The following DOCK3 variants were observed in gnomAD, a reference collection of about 807,000 sequenced individuals.
The protein encoded by DOCK3 is dedicator of cytokinesis 3.
DOCK3 carries 60 observed loss-of-function variants against 265.6 expected under a neutral mutation model. That is an observed-to-expected ratio of 0.23 (90% CI 0.18 to 0.28). DOCK3 has a LOEUF of 0.28. Ranked by LOEUF, DOCK3 falls within the 10% of genes least tolerant of loss-of-function variation. DOCK3 has a pLI of 1.00. For synonymous variants in DOCK3, 881 were observed against 938.0 expected, an observed-to-expected ratio of 0.94 and a Z score of 1.11; for missense variants, 1,981 against 2,594.3, an observed-to-expected ratio of 0.76 and a Z score of 5.14.
chr3:51,220,850 G>A (rs893455165), intron 14 of DOCK3, among the ~76,000 whole-genome samples: 3 of 151,452 alleles, frequency 2.0e-5, no homozygotes, highest in Admixed American at 6.6e-5. Context: ...TTGGGCCTTC[G>A]CACATTATTT....
intron 1 of DOCK3, among the ~76,000 whole-genome samples, chr3:50,740,992 C>T (rs2038980593): frequency 6.6e-6 from 1 of 151,962 alleles, no homozygotes; most frequent in African/African-American, 2.4e-5. Context: ...ACTCTTTGTT[C>T]TCCCCTCCCC....
chr3:51,011,265 C>T (rs181200636), intron 5 of DOCK3, among the ~76,000 whole-genome samples: 12 of 152,238 alleles, frequency 7.9e-5, no homozygotes, highest in African/African-American at 2.4e-4. Context: ...ACCAATCAGA[C>T]GTGTACCTGA....
chr3:51,301,846 T>C (rs2082376844), intron 27 of DOCK3, among the ~76,000 whole-genome samples: 1 of 152,202 alleles, frequency 6.6e-6, no homozygotes, highest in Admixed American at 6.5e-5. Flanking sequence ...GTGTTTTACT[T>C]CCAATTATGT....
chr3:51,301,186 G>A (rs542406335), intron 27 of DOCK3, among the ~76,000 whole-genome samples: 1 of 152,242 alleles, frequency 6.6e-6, no homozygotes, highest in South Asian at 2.1e-4. Flanking sequence ...TAATTTACAT[G>A]CCTAAAGGTG....
At chr3:50,900,909 C>T (rs945248083) in intron 4 of DOCK3, 7 of 431,686 alleles carry the variant, frequency 1.6e-5, no homozygotes, top group Admixed American at 2.6e-5. Flanking sequence ...AGGTGTCTGT[C>T]GCTCCCTGTT....
chr3:50,866,913 T>C (rs958566566), intron 3 of DOCK3, among the ~76,000 whole-genome samples: 4 of 152,104 alleles, frequency 2.6e-5, no homozygotes, highest in Non-Finnish European at 5.9e-5. Context: ...AAACAGCTAT[T>C]CTGTTTCTTT....
intron 40 of DOCK3, among the ~76,000 whole-genome samples, chr3:51,352,123 C>G (rs192812534): frequency 6.6e-6 from 1 of 152,316 alleles, no homozygotes; most frequent in African/African-American, 2.4e-5. Context: ...AGCAATTGTA[C>G]AAGAACTAGA....
intron 7 of DOCK3, among the ~76,000 whole-genome samples, chr3:51,080,045 T>A (rs2082175062): frequency 6.6e-6 from 1 of 152,268 alleles, no homozygotes; most frequent in African/African-American, 2.4e-5. Flanking sequence ...TTAGATTATT[T>A]ACTAAAAATC....
intron 4 of DOCK3, among the ~76,000 whole-genome samples, chr3:50,922,998 T>C (rs985826063): frequency 1.3e-5 from 2 of 152,206 alleles, no homozygotes; most frequent in African/African-American, 4.8e-5. Flanking sequence ...GTCCCACTTA[T>C]GAATGAGAAC....
At chr3:51,230,512 G>T (rs2090500085) in intron 19 of DOCK3, among the ~76,000 whole-genome samples, 1 of 151,656 alleles carries the variant, frequency 6.6e-6, no homozygotes. Context: ...TTTTGTTGTT[G>T]TTGTTGTTTT....
intron 1 of DOCK3, among the ~76,000 whole-genome samples, chr3:50,679,922 C>G (rs1246250799): frequency 3.3e-5 from 5 of 152,180 alleles, no homozygotes; most frequent in Admixed American, 6.5e-5. Flanking sequence ...TACACTATAT[C>G]ACCACCTCTC....
intron 22 of DOCK3, among the ~76,000 whole-genome samples, chr3:51,248,426 C>T (rs533581771): frequency 2.0e-5 from 3 of 152,372 alleles, no homozygotes; most frequent in Middle Eastern, 6.8e-3. Context: ...AGCTCCTAAC[C>T]GCGAGTGATC....
intron 26 of DOCK3, 141 bp from the exon 27 acceptor site, chr3:51,279,965 T>C: frequency 1.5e-6 from 1 of 670,262 alleles, no homozygotes; most frequent in South Asian, 2.0e-5. Context: ...AATAAAGCTT[T>C]AGAGGGCTAG....
intron 2 of DOCK3, among the ~76,000 whole-genome samples, chr3:50,809,853 G>A (rs2043636633): frequency 6.6e-6 from 1 of 152,190 alleles, no homozygotes; most frequent in Non-Finnish European, 1.5e-5. Context: ...TGAATCAGGT[G>A]ATATTTGTCA....
rs78601534 is a variant in DOCK3 at position 50,934,163 on chromosome 3, G to A, written c.315+86G>A. On this transcript the variant is annotated intron_variant, in intron 5 of 52. Coordinates refer to ENST00000266037, the MANE Select transcript of DOCK3 (RefSeq NM_004947.5). ...TAAACTATGCTAAGTATGCATTTTA[G>A]ATTTCTGAATATTTGCAGTTTATCA... 2.3e-3 allele frequency: 2,155 copies of A among 934,900 alleles called. 60 individuals carry two copies. In the East Asian group the frequency reaches 0.055, roughly 24 times the overall value. 57.9% of individuals were successfully genotyped at this position (934,900 alleles called of 1,614,324 possible). A position where few individuals can be genotyped will look rare whatever the true frequency, so the allele number is the denominator to read the frequency against.
chr3:51,266,387 A>G (rs966323529), intron 23 of DOCK3, among the ~76,000 whole-genome samples: 5 of 152,236 alleles, frequency 3.3e-5, no homozygotes, highest in Admixed American at 1.3e-4. Flanking sequence ...CCTAAGCCAA[A>G]GGAACAAAGC....
In DOCK3 at chr3:50,955,355, A is replaced by G. The variant is rs1258521060; in HGVS notation, c.315+21278A>G. Among the ~76,000 whole-genome samples, 4 of 152,162 alleles carry G rather than the reference A, an allele frequency of 2.6e-5. No individual in the cohort carries two copies. In the East Asian group the frequency reaches 7.7e-4, roughly 29 times the overall value. On this transcript the variant is annotated intron_variant, in intron 5 of 52. Transcript: ENST00000266037. ...CTGGTTATGTACTCAGAGGAATACA[A>G]GTTTTTCTGCCATAAAGACACATGC... is the stretch of plus-strand genomic sequence containing the variant.
intron 4 of DOCK3, among the ~76,000 whole-genome samples, chr3:50,910,723 G>T (rs1287770023): frequency 1.3e-5 from 2 of 152,164 alleles, no homozygotes; most frequent in Non-Finnish European, 2.9e-5. Context: ...CAGTCACTTT[G>T]TTCTCCCTCC....
chr3:50,988,156 A>G (rs1014224784), intron 5 of DOCK3, among the ~76,000 whole-genome samples: 4 of 152,158 alleles, frequency 2.6e-5, no homozygotes, highest in Admixed American at 6.5e-5. Flanking sequence ...GGGAGCTGCC[A>G]TCTTTGCTGT....
Sources: allele counts gnomAD v4.1 joint callset (sites outside exome capture counted in the v4.1 genomes callset), GRCh38; gene constraint gnomAD v4.1.1; transcripts MANE v1.5; gene names NCBI Gene and HGNC (gene_info 2026-07-23, HGNC 2026-07-21).